Variants in CREB3L3 observed in about 807,000 individuals in gnomAD.
CREB3L3 encodes cyclic AMP-responsive element-binding protein 3-like protein 3.
Under a neutral mutation model 44.6 loss-of-function variants are expected in CREB3L3, and 40 were observed. That is an observed-to-expected ratio of 0.90 (90% CI 0.70 to 1.17). The LOEUF is 1.17. CREB3L3 is among the 50% of genes most tolerant of loss of function. The pLI, the probability that CREB3L3 is intolerant of heterozygous loss-of-function variation, is 0.00. For missense variants in CREB3L3, 578 were observed against 595.8 expected, an observed-to-expected ratio of 0.97 and a Z score of 0.31; for synonymous variants, 273 against 256.3, an observed-to-expected ratio of 1.06 and a Z score of -0.62.
chr19:4,169,955 G>A (rs1967006464), intron 6 of CREB3L3, among the ~76,000 whole-genome samples, 185 bp from the exon 7 acceptor site: 1 of 152,112 alleles, frequency 6.6e-6, no homozygotes, highest in South Asian at 2.1e-4. Context: ...TGGGACCTAG[G>A]AACCAGGCAG....
Position 4,172,093 on chromosome 19 carries a change from G to A in CREB3L3, c.*124G>A. 9.6e-7 allele frequency: 1 copy of A among 1,041,066 alleles called. No homozygotes were observed. Among genetic ancestry groups the A allele is most frequent in the Non-Finnish European group, 1.4e-6 (1 of 736,492 alleles). The allele number at this position is 1,041,066 out of a possible 1,614,324, so 64.5% of individuals were successfully genotyped here. On this transcript the variant is annotated 3_prime_UTR_variant, in exon 10 of 10. Transcript: ENST00000078445. Reference sequence around the variant, plus strand: ...GACCCCAGCAGAGATGCCAGAATGGGGGAGGCACAGCTCATAGCCACACAC... The same window carrying A: ...GACCCCAGCAGAGATGCCAGAATGGAGGAGGCACAGCTCATAGCCACACAC...
intron 4 of CREB3L3, among the ~76,000 whole-genome samples, chr19:4,162,299 C>T (rs2041671224): frequency 6.6e-6 from 1 of 152,026 alleles, no homozygotes; most frequent in African/African-American, 2.4e-5. Flanking sequence ...AGCCACTGTG[C>T]CTGGCCTTAT....
chr19:4,157,504 C>G (rs2041601252), intron 3 of CREB3L3, among the ~76,000 whole-genome samples: 1 of 152,120 alleles, frequency 6.6e-6, no homozygotes. Context: ...AGCCCATTTT[C>G]CAGATCGTGA....
chr19:4,165,800 C>G (rs1432607538), intron 5 of CREB3L3, among the ~76,000 whole-genome samples: 1 of 152,050 alleles, frequency 6.6e-6, no homozygotes, highest in Non-Finnish European at 1.5e-5. Context: ...TCCCTTGAAC[C>G]CGGGAGGTGG....
chr19:4,155,140 C>A, intron 2 of CREB3L3, 113 bp downstream of exon 2: 1 of 1,337,252 alleles, frequency 7.5e-7, no homozygotes, highest in Non-Finnish European at 1.1e-6. Context: ...CTCAGCTCTA[C>A]GATGCACTAA....
At chr19:4,156,885 G>T in intron 2 of CREB3L3, 110 bp from the exon 3 acceptor site, 1 of 1,119,302 alleles carries the variant, frequency 8.9e-7, no homozygotes, top group Non-Finnish European at 1.3e-6. Flanking sequence ...CTTGGAGAAG[G>T]GAAGGACACC....
At chr19:4,166,963 C>T (rs1966918640) in intron 5 of CREB3L3, among the ~76,000 whole-genome samples, 1 of 152,018 alleles carries the variant, frequency 6.6e-6, no homozygotes, top group South Asian at 2.1e-4. Flanking sequence ...AACTCCTGGA[C>T]TTATGCGATC....
At chr19:4,166,970 G>A (rs185552074) in intron 5 of CREB3L3, among the ~76,000 whole-genome samples, 9 of 151,554 alleles carry the variant, frequency 5.9e-5, no homozygotes, top group African/African-American at 2.2e-4. Flanking sequence ...GGACTTATGC[G>A]ATCCTCTTGC....
Position 4,157,046 on chromosome 19 carries a change from T to C in CREB3L3, c.208T>C (p.Ser70Pro). ...CGACTTCCTCAGCTCCATCCTGGGC[T>C]CTGGAGACTCACTGCCCAGCTCCCC... Reference protein sequence around the residue: ...SDDFLSSILGSGDSLPSSPLW... With the variant: ...SDDFLSSILGPGDSLPSSPLW... Residue 70 changes from serine (S) to proline (P), a missense_variant, in exon 3 of 10, where the codon TCT becomes CCT. Ser to Pro is a moderately conservative substitution (Grantham distance 74). Coordinates refer to ENST00000078445, the MANE Select transcript of CREB3L3 (RefSeq NM_032607.3). 6.2e-7 allele frequency: 1 copy of C among 1,613,872 alleles called. No homozygotes were observed. The highest frequency in any genetic ancestry group is 8.5e-7 in the Non-Finnish European group (1 of 1,179,986).
At chr19:4,168,564 T>C in intron 6 of CREB3L3, 107 bp downstream of exon 6, 1 of 815,780 alleles carries the variant, frequency 1.2e-6, no homozygotes, top group Non-Finnish European at 2.0e-6. Context: ...AAATTGGAGG[T>C]GATTCTCCTC....
intron 6 of CREB3L3, among the ~76,000 whole-genome samples, chr19:4,168,824 C>T (rs1296092433): frequency 2.6e-5 from 4 of 152,038 alleles, no homozygotes; most frequent in East Asian, 3.9e-4. Context: ...CTCCACCTCC[C>T]GGGTTCAAGC....
At chr19:4,156,856 G>A in intron 2 of CREB3L3, 139 bp from the exon 3 acceptor site, 2 of 835,620 alleles carry the variant, frequency 2.4e-6, no homozygotes, top group South Asian at 3.3e-5. Context: ...AGCCCCGGGA[G>A]GAAGAAGCAG....
chr19:4,165,886 C>T (rs1808260), intron 5 of CREB3L3, among the ~76,000 whole-genome samples: 8,584 of 151,940 alleles, frequency 0.056, 772 homozygotes, highest in African/African-American at 0.2. Context: ...AAAACAAAAA[C>T]AAAAACAAAA....
At chr19:4,159,618 C>G (rs759669118) in intron 3 of CREB3L3, 46 bp from the exon 4 acceptor site, 2 of 884,824 alleles carry the variant, frequency 2.3e-6, no homozygotes, top group African/African-American at 3.3e-5. Flanking sequence ...CAGGACTCCC[C>G]CCGTCTGACA....
Position 4,157,247 on chromosome 19 carries a change from C to G in CREB3L3, c.409C>G (p.Pro137Ala), listed in dbSNP as rs1430009471. 6.2e-7 allele frequency: 1 copy of G among 1,614,186 alleles called. No homozygotes were observed. Among genetic ancestry groups the G allele is most frequent in the South Asian group, 1.1e-5 (1 of 91,086 alleles). ...TGGCAACTCTTGCTCCACCACAACC[C>G]CAGGGCCAGTGATCCAAGTACCTGA... ...HPGNSCSTTT[P>A]GPVIQVPEAS... Residue 137 changes from proline to alanine, a missense_variant, in exon 3 of 10, where the codon CCA becomes GCA. Physicochemically the swap from Pro to Ala is conservative, Grantham distance 27. Coordinates refer to ENST00000078445, the MANE Select transcript of CREB3L3 (RefSeq NM_032607.3).
intron 1 of CREB3L3, 39 bp downstream of exon 1, chr19:4,153,813 G>A: frequency 2.5e-6 from 4 of 1,612,476 alleles, no homozygotes; most frequent in Non-Finnish European, 3.4e-6. Flanking sequence ...CGGGAGTCTA[G>A]GCTGGGAAAG....
chr19:4,162,070 A>C (rs1202629304), intron 4 of CREB3L3, among the ~76,000 whole-genome samples: 1 of 152,158 alleles, frequency 6.6e-6, no homozygotes, highest in Admixed American at 6.6e-5. Flanking sequence ...GCAGTGCCAC[A>C]GTCTCGGCTC....
At chr19:4,157,364 TGGA>T in intron 3 of CREB3L3, 69 bp downstream of exon 3, 1 of 1,555,698 alleles carries the variant, frequency 6.4e-7, no homozygotes, top group Non-Finnish European at 8.9e-7. Context: ...AGTGAGGAAA[TGGA>T]GGCCCAGAGA....
rs750591163 is a variant in CREB3L3, at chr19:4,157,030, C to T, written c.192C>T (p.Leu64=). 5.6e-6 allele frequency: 9 copies of T among 1,613,980 alleles called. No individual in the cohort carries two copies. The highest frequency in any genetic ancestry group is 7.6e-6 in the Non-Finnish European group (9 of 1,180,026). ...CAAACCCCGACTCTGACGACTTCCTCAGCTCCATCCTGGGCTCTGGAGACT... is the reference window on the plus strand; with the variant it reads ...CAAACCCCGACTCTGACGACTTCCTTAGCTCCATCCTGGGCTCTGGAGACT... ...VLPNPDSDDF[L]SSILGSGDSL... Residue 64 remains leucine, a synonymous_variant, in exon 3 of 10, where the codon CTC becomes CTT. Transcript: ENST00000078445.
Sources: gnomAD v4.1 joint callset for allele counts (sites outside exome capture counted in the v4.1 genomes callset) on GRCh38, gnomAD v4.1.1 for gene constraint, MANE v1.5 for transcripts, NCBI Gene and HGNC (gene_info 2026-07-23, HGNC 2026-07-21) for gene names.